The following ZNF516 variants were observed in gnomAD, a reference collection of about 807,000 sequenced individuals.
ZNF516 encodes the protein zinc finger protein 516.
Under a neutral mutation model 79.7 loss-of-function variants are expected in ZNF516, and 19 were observed. That is an observed-to-expected ratio of 0.24 (90% CI 0.17 to 0.35). ZNF516 has a LOEUF of 0.35. ZNF516 is among the 10% of genes least tolerant of loss of function. The pLI, the probability that ZNF516 is intolerant of heterozygous loss-of-function variation, is 1.00. For missense variants in ZNF516, 1,678 were observed against 1,679.5 expected, an observed-to-expected ratio of 1.00 and a Z score of 0.02; for synonymous variants, 877 against 739.5, an observed-to-expected ratio of 1.19 and a Z score of -3.02.
rs7244336 is a variant in ZNF516 at position 76,451,319 on chromosome 18, G to A, written c.-157-8108C>T. Among the ~76,000 whole-genome samples the A allele has an allele frequency of 1.9e-3, 288 of 152,310 alleles. 2 individuals carry two copies. Among genetic ancestry groups the A allele is most frequent in the African/African-American group, 6.7e-3 (279 of 41,578 alleles). ...TGACCACCTTCCGGGGGCGGGGGGG[G>A]CACCGATGTCAGCCCGGGATGGATG... On this transcript the variant is annotated intron_variant, in intron 2 of 6. Transcript: ENST00000443185. The surrounding 1 kb of genome is among the most constrained non-coding windows in gnomAD (Gnocchi z 6.0).
intron 4 of ZNF516, among the ~76,000 whole-genome samples, chr18:76,374,013 G>C (rs1473024514): frequency 6.6e-6 from 1 of 152,224 alleles, no homozygotes; most frequent in Admixed American, 6.5e-5. Context: ...ACTTCAGAGA[G>C]GGACACCCAG....
At chr18:76,450,870 G>A (rs1912367025) in intron 2 of ZNF516, among the ~76,000 whole-genome samples, 1 of 152,130 alleles carries the variant, frequency 6.6e-6, no homozygotes, top group South Asian at 2.1e-4. Context: ...AATTAAACCA[G>A]TACAAAACAA....
chr18:76,419,935 A>C (rs934367393), intron 3 of ZNF516, among the ~76,000 whole-genome samples: 17 of 152,274 alleles, frequency 1.1e-4, no homozygotes, highest in Admixed American at 9.2e-4. Context: ...GGAAGCCAGG[A>C]GTCCCCACTG....
Position 76,404,927 on chromosome 18 carries a change from C to T in ZNF516, c.1811-24624G>A, listed in dbSNP as rs1406368130. Among the ~76,000 whole-genome samples, 5 of 152,268 alleles carry T rather than the reference C, an allele frequency of 3.3e-5. No homozygotes were observed. In the South Asian group the frequency reaches 1.0e-3, roughly 32 times the overall value. Reference sequence around the variant, plus strand: ...GTGTGTGTGGGGCCGTCCCTGCAGACAGGAGAGTCCTAAGCCACGGTCGAT... The same window carrying T: ...GTGTGTGTGGGGCCGTCCCTGCAGATAGGAGAGTCCTAAGCCACGGTCGAT... On this transcript the variant is annotated intron_variant, in intron 3 of 6. Coordinates refer to ENST00000443185, the MANE Select transcript of ZNF516 (RefSeq NM_014643.4).
chr18:76,384,796 C>T (rs2074958429), intron 3 of ZNF516, among the ~76,000 whole-genome samples: 1 of 152,142 alleles, frequency 6.6e-6, no homozygotes, highest in South Asian at 2.1e-4. Flanking sequence ...ACTTCTGCTC[C>T]TCAGTCCCCA....
chr18:76,441,695 G>T lies in ZNF516; in HGVS notation c.1360C>A (p.Arg454Ser), dbSNP rs764224329. 1 of 1,567,078 alleles carries T rather than the reference G, an allele frequency of 6.4e-7. No homozygotes were observed. The highest frequency in any genetic ancestry group is 1.2e-5 in the South Asian group (1 of 85,776). The stretch of plus-strand genomic sequence containing the variant: ...TCCTGGCTCACCAGGACGTACTCGC[G>T]CCTGTCCTTGTCGAAGGCCACGTCC... ...AGDVAFDKDR[R>S]EYVLVSQEKR... The change falls in exon 3 of 7, where the codon CGC (arginine) becomes AGC (serine). Residue 454 changes from arginine (R) to serine (S), a missense_variant. By Grantham distance (110) the Arg-to-Ser change is moderately radical (BLOSUM62 -1). Transcript: ENST00000443185.
intron 4 of ZNF516, among the ~76,000 whole-genome samples, chr18:76,373,872 C>T (rs1384862423): frequency 6.6e-6 from 1 of 152,244 alleles, no homozygotes; most frequent in African/African-American, 2.4e-5. Context: ...CATTCCGAGT[C>T]AATCACAAAG....
chr18:76,434,420 A>G (rs1457259258), intron 3 of ZNF516, among the ~76,000 whole-genome samples: 21 of 152,220 alleles, frequency 1.4e-4, no homozygotes, highest in Non-Finnish European at 2.6e-4. Flanking sequence ...AGTTTAGCAT[A>G]TGAGGCAAAG....
At chr18:76,449,310 C>G (rs1245171510) in intron 2 of ZNF516, among the ~76,000 whole-genome samples, 1 of 152,230 alleles carries the variant, frequency 6.6e-6, no homozygotes, top group African/African-American at 2.4e-5. Context: ...GAGCCCTACT[C>G]CGGCCCAACA....
At position 76,442,994 on chromosome 18, in the gene ZNF516, C is replaced by T. The variant is rs746722060; in HGVS notation, c.61G>A (p.Gly21Ser). 1.2e-5 allele frequency: 20 copies of T among 1,603,114 alleles called. No individual in the cohort carries two copies. Among genetic ancestry groups the T allele is most frequent in the Non-Finnish European group, 1.5e-5 (18 of 1,179,388 alleles). The change falls in exon 3 of 7, where the codon GGC (glycine) becomes AGC (serine). Residue 21 changes from glycine to serine, a missense_variant. This residue lies in a region of ZNF516 where 62 missense variants were observed against 58.9 expected (regional missense o/e 1.05). Transcript: ENST00000443185. ...LRRGPSPTRA[G>S]RGHEVDGDKA... ...TCCCCATCCACCTCGTGGCCCCGGC[C>T]GGCCCTGGTGGGGCTGGGGCCTCGC...
At chr18:76,388,930 C>T (rs1019744536) in intron 3 of ZNF516, 4 of 152,298 alleles carry the variant, frequency 2.6e-5, no homozygotes, top group African/African-American at 9.7e-5. Flanking sequence ...CTGAACCATA[C>T]ATGGAAGAGC....
chr18:76,469,328 A>T (rs527468159), intron 1 of ZNF516, among the ~76,000 whole-genome samples: 1 of 152,246 alleles, frequency 6.6e-6, no homozygotes, highest in Non-Finnish European at 1.5e-5. Flanking sequence ...CACACTCATT[A>T]TATCTTTATA....
intron 1 of ZNF516, among the ~76,000 whole-genome samples, chr18:76,464,953 G>A (rs1166845708): frequency 2.6e-5 from 4 of 152,136 alleles, no homozygotes; most frequent in Admixed American, 6.6e-5. Flanking sequence ...ACTGGAATGC[G>A]ACCCCAGGGA....
chr18:76,459,023 T>C lies in ZNF516; in HGVS notation c.-158+4005A>G, dbSNP rs573451243. ...GTGTGTGTGTGTCTGAGAGAGCACA[T>C]GTGTGTGATCTCTTAACCTACATAA... On this transcript the variant is annotated intron_variant, in intron 2 of 6. Transcript: ENST00000443185. This position sits in a 1 kb window ranked among gnomAD's most constrained non-coding sequence, Gnocchi z 5.0. 4.4e-4 allele frequency among the ~76,000 whole-genome samples: 67 copies of C among 152,132 alleles called. No individual in the cohort carries two copies. Among genetic ancestry groups the C allele is most frequent in the Non-Finnish European group, 8.7e-4 (59 of 68,002 alleles).
intron 1 of ZNF516, among the ~76,000 whole-genome samples, chr18:76,478,689 A>T (rs886325535): frequency 6.6e-6 from 1 of 152,202 alleles, no homozygotes; most frequent in South Asian, 2.1e-4. Context: ...CATTTCAAAC[A>T]CACTTTCAGT....
chr18:76,473,754 T>C (rs553449067), intron 1 of ZNF516, among the ~76,000 whole-genome samples: 4 of 151,614 alleles, frequency 2.6e-5, no homozygotes, highest in Admixed American at 1.3e-4. Flanking sequence ...TGAGCTGAGA[T>C]TGCACCACTG....
chr18:76,385,246 G>C (rs1203396073), intron 3 of ZNF516, among the ~76,000 whole-genome samples: 1 of 152,232 alleles, frequency 6.6e-6, no homozygotes, highest in African/African-American at 2.4e-5. Flanking sequence ...ACATGGATTA[G>C]GTCTTGGGTG....
intron 1 of ZNF516, among the ~76,000 whole-genome samples, chr18:76,471,294 G>A (rs1913821657): frequency 6.6e-6 from 1 of 151,398 alleles, no homozygotes; most frequent in Non-Finnish European, 1.5e-5. Flanking sequence ...GGACTTTTCT[G>A]CCTTACTTTC....
intron 3 of ZNF516, among the ~76,000 whole-genome samples, chr18:76,408,734 G>A (rs773697088): frequency 2.6e-5 from 4 of 152,328 alleles, no homozygotes; most frequent in East Asian, 1.9e-4. Flanking sequence ...GTGTTCGCTC[G>A]CTAATTCACA....
Sources: allele counts gnomAD v4.1 joint callset (sites outside exome capture counted in the v4.1 genomes callset), GRCh38; gene constraint gnomAD v4.1.1; regional missense constraint gnomAD v4.1.1; non-coding constraint Gnocchi (gnomAD v3.1); transcripts MANE v1.5; gene names NCBI Gene and HGNC (gene_info 2026-07-23, HGNC 2026-07-21).